Variants in ZNF445 observed in about 807,000 individuals in gnomAD.
The protein encoded by ZNF445 is zinc finger protein 168.
In ZNF445, 19 loss-of-function variants were observed where a neutral mutation model predicts 93.9. The observed-to-expected ratio is 0.20, with a 90% confidence interval of 0.14 to 0.30. The LOEUF is 0.30. Among genes scored for constraint, ZNF445 ranks in the 10% least tolerant of loss-of-function variants. The probability of loss-of-function intolerance (pLI) is 1.00; values close to 1 mark genes in which losing one functional copy is unlikely to be tolerated. For missense variants in ZNF445, 1,058 were observed against 1,259.4 expected (o/e 0.84, Z 2.42); for synonymous variants, 449 against 446.3 (o/e 1.01, Z -0.08).
At position 44,452,537 on chromosome 3, in the gene ZNF445, C is replaced by G. The variant is rs375448987; in HGVS notation, c.430-1055G>C. 6.6e-5 allele frequency among the ~76,000 whole-genome samples: 10 copies of G among 152,310 alleles called. No individual in the cohort carries two copies. The East Asian group carries it at 1.9e-3, about 29-fold the overall frequency. On this transcript the variant is annotated intron_variant, in intron 3 of 7. Transcript: ENST00000396077. ...TTTGAGGGGCTTCTCCCAGCCCCCA[C>G]TGTCTTTTAAGTAGCTTTCAACCAG...
Position 44,450,929 on chromosome 3 carries a change from G to T in ZNF445, c.632C>A (p.Pro211Gln). Residue 211 changes from proline to glutamine, a missense_variant, in exon 5 of 8, where the codon CCG (proline) becomes CAG (glutamine). By Grantham distance (76) the Pro-to-Gln change is moderately conservative. This residue lies in a region of ZNF445 where 657 missense variants were observed against 746.4 expected (regional missense o/e 0.88). Coordinates refer to ENST00000396077, the MANE Select transcript of ZNF445 (RefSeq NM_181489.6). ...CTGGTCTCCCGGGCACCCCTCTCTC[G>T]GGAAAAGGGCAGGCATCTGGGCAGC... is the stretch of plus-strand genomic sequence containing the variant. ...TPAAQMPALF[P>Q]REGCPGDQVT... The T allele has an allele frequency of 1.2e-6, 2 of 1,600,216 alleles. No homozygotes were observed. The highest frequency in any genetic ancestry group is 8.5e-7 in the Non-Finnish European group (1 of 1,173,760).
intron 3 of ZNF445, among the ~76,000 whole-genome samples, chr3:44,453,785 A>G (rs1372546436): frequency 6.6e-6 from 1 of 152,236 alleles, no homozygotes; most frequent in African/African-American, 2.4e-5. Flanking sequence ...GGCCAGGCAC[A>G]TGATAAGCAC....
Position 44,447,101 on chromosome 3 carries a change from T to C in ZNF445, c.2570A>G (p.Asp857Gly). The change falls in exon 8 of 8, where the codon GAT becomes GGT. Residue 857 changes from aspartate to glycine, a missense_variant. Asp to Gly is a moderately conservative substitution (Grantham distance 94). Coordinates refer to ENST00000396077, the MANE Select transcript of ZNF445 (RefSeq NM_181489.6). The surrounding 1 kb of genome is among the most constrained non-coding windows in gnomAD (Gnocchi z 4.7). ...KTFTRKRTLL[D>G]HKGIHSGEKR... is the part of the protein sequence containing the mutation. ...CTCTCCACTGTGTATTCCCTTATGA[T>C]CTAAAAGGGTTCTTTTACGTGTAAA... 1 of 1,614,180 alleles carries C rather than the reference T, an allele frequency of 6.2e-7. No homozygotes were observed. The highest frequency in any genetic ancestry group is 8.5e-7 in the Non-Finnish European group (1 of 1,180,020).
chr3:44,475,719 G>T (rs1698339286), intron 1 of ZNF445, among the ~76,000 whole-genome samples: 1 of 152,050 alleles, frequency 6.6e-6, no homozygotes, highest in Admixed American at 6.5e-5. Context: ...AAAACAAGAG[G>T]CGGGCACGGT....
chr3:44,436,596 G>A lies in ZNF445; in HGVS notation c.*9979C>T, dbSNP rs904485085. The A allele has an allele frequency of 2.0e-5, 3 of 152,032 alleles. No homozygotes were observed. In the East Asian group the frequency reaches 5.8e-4, roughly 29 times the overall value. 9.4% of individuals were successfully genotyped at this position (152,032 alleles called of 1,614,324 possible). ...ATATCTTCCTCTACAGTATACCAAC[G>A]AAGTTCTCGCATTTCAACTCATTCA... On this transcript the variant is annotated 3_prime_UTR_variant, in exon 8 of 8. Transcript: ENST00000396077.
chr3:44,442,129 G>C lies in ZNF445; in HGVS notation c.*4446C>G, dbSNP rs1029967151. The C allele has an allele frequency of 6.6e-6, 1 of 152,144 alleles. No individual in the cohort carries two copies. Among genetic ancestry groups the C allele is most frequent in the African/African-American group, 2.4e-5 (1 of 41,414 alleles). The allele number at this position is 152,144 out of a possible 1,614,324, so 9.4% of individuals were successfully genotyped here. On this transcript the variant is annotated 3_prime_UTR_variant, in exon 8 of 8. Coordinates refer to ENST00000396077, the MANE Select transcript of ZNF445 (RefSeq NM_181489.6). ...CTTAACTTTACACTAAGGGTACCTT[G>C]TATGTAGCTTCACCAACTTTCTCAG...
At chr3:44,477,276 C>G (rs1332565333) in intron 1 of ZNF445, among the ~76,000 whole-genome samples, 1 of 152,240 alleles carries the variant, frequency 6.6e-6, no homozygotes, top group African/African-American at 2.4e-5. Flanking sequence ...GCTACTTTTA[C>G]TTTTCTTCTA....
At chr3:44,450,799 G>A (rs1697945919) in intron 5 of ZNF445, 69 bp downstream of exon 5, 2 of 1,376,886 alleles carry the variant, frequency 1.5e-6, no homozygotes, top group Non-Finnish European at 1.9e-6. Flanking sequence ...CCCAGGATGG[G>A]GAAGCTGCAC....
In ZNF445 at chr3:44,445,493, CT is replaced by C. The variant is rs1208440900; in HGVS notation, c.*1081del. On this transcript the variant is annotated 3_prime_UTR_variant, in exon 8 of 8. Coordinates refer to ENST00000396077, the MANE Select transcript of ZNF445 (RefSeq NM_181489.6). ...TCATATGGCCGGGCCTGTGGCCTCC[CT>C]GGCCCCTCTCCTTCCCTTCCAGCTG... 6.6e-6 allele frequency: 1 copy of C among 152,604 alleles called. No individual in the cohort carries two copies. The highest frequency in any genetic ancestry group is 2.4e-5 in the African/African-American group (1 of 41,434). The allele number at this position is 152,604 out of a possible 1,614,324, so 9.5% of individuals were successfully genotyped here.
rs1240561191 is a variant in ZNF445 at position 44,435,586 on chromosome 3, G to A, written c.*10989C>T. 6.6e-6 allele frequency: 1 copy of A among 152,200 alleles called. No individual in the cohort carries two copies. Among genetic ancestry groups the A allele is most frequent in the Admixed American group, 6.5e-5 (1 of 15,278 alleles). 9.4% of individuals were successfully genotyped at this position (152,200 alleles called of 1,614,324 possible). ...GGCACTAATCTCAACAATCTCTCCA[G>A]GAATGTGGTATTAGTTTGCTTTAAT... On this transcript the variant is annotated 3_prime_UTR_variant, in exon 8 of 8. Coordinates refer to ENST00000396077, the MANE Select transcript of ZNF445 (RefSeq NM_181489.6).
chr3:44,450,524 C>G lies in ZNF445; in HGVS notation c.743G>C (p.Trp248Ser). 1 of 1,614,170 alleles carries G rather than the reference C, an allele frequency of 6.2e-7. No individual in the cohort carries two copies. Among genetic ancestry groups the G allele is most frequent in the Non-Finnish European group, 8.5e-7 (1 of 1,180,034 alleles). Reference protein sequence around the residue: ...DVEVTFSQDEWGWLDSAQRNL... With the variant: ...DVEVTFSQDESGWLDSAQRNL... ...CCTCTGAGCAGAGTCCAGCCACCCCCACTCGTCCTGGGAGAAGGTCACCTC... is the reference window on the plus strand; with the variant it reads ...CCTCTGAGCAGAGTCCAGCCACCCCGACTCGTCCTGGGAGAAGGTCACCTC... Residue 248 changes from tryptophan to serine, a missense_variant, in exon 6 of 8, where the codon TGG becomes TCG. Coordinates refer to ENST00000396077, the MANE Select transcript of ZNF445 (RefSeq NM_181489.6).
chr3:44,474,569 A>G (rs1383563886), intron 1 of ZNF445, among the ~76,000 whole-genome samples: 1 of 152,176 alleles, frequency 6.6e-6, no homozygotes, highest in Non-Finnish European at 1.5e-5. Flanking sequence ...CTTCTTCAGA[A>G]GTGTTTTGAA....
chr3:44,457,853 T>C (rs1199550411), intron 2 of ZNF445, among the ~76,000 whole-genome samples: 3 of 150,468 alleles, frequency 2.0e-5, no homozygotes, highest in African/African-American at 4.9e-5. Flanking sequence ...ATACAAAAAA[T>C]ACAAAAAAAA....
intron 3 of ZNF445, 137 bp from the exon 4 acceptor site, chr3:44,451,619 G>C: frequency 2.1e-6 from 2 of 963,966 alleles, no homozygotes; most frequent in Non-Finnish European, 3.0e-6. Context: ...TTCCAGGCAG[G>C]AGGAAAGGGC....
Position 44,448,044 on chromosome 3 carries a change from A to G in ZNF445, c.1627T>C (p.Cys543Arg). 1.2e-6 allele frequency: 2 copies of G among 1,611,852 alleles called. No homozygotes were observed. Among genetic ancestry groups the G allele is most frequent in the South Asian group, 1.1e-5 (1 of 91,060 alleles). ...KIHTGVKPYK[C>R]DLCEKAFRRL... Reference sequence around the variant, plus strand: ...CGGAAAGCTTTCTCACATAAATCGCATTTATAAGGCTTCACTCCAGTGTGA... The same window carrying G: ...CGGAAAGCTTTCTCACATAAATCGCGTTTATAAGGCTTCACTCCAGTGTGA... Residue 543 changes from cysteine (C) to arginine (R), a missense_variant, in exon 8 of 8, where the codon TGC (cysteine) becomes CGC (arginine). By Grantham distance (180) the Cys-to-Arg change is radical. Transcript: ENST00000396077.
Position 44,446,438 on chromosome 3 carries a change from T to A in ZNF445, c.*137A>T. The stretch of plus-strand genomic sequence containing the variant: ...GCTGGGGACTCCCCGAGCTTTCAAA[T>A]CCTTGGGATTCTGTCACTAGCTTCC... On this transcript the variant is annotated 3_prime_UTR_variant, in exon 8 of 8. Coordinates refer to ENST00000396077, the MANE Select transcript of ZNF445 (RefSeq NM_181489.6). The surrounding 1 kb of genome is among the most constrained non-coding windows in gnomAD (Gnocchi z 4.2). The A allele has an allele frequency of 7.5e-7, 1 of 1,339,558 alleles. No homozygotes were observed. The highest frequency in any genetic ancestry group is 1.0e-6 in the Non-Finnish European group (1 of 985,032). The allele number at this position is 1,339,558 out of a possible 1,614,324, so 83.0% of individuals were successfully genotyped here. A position where few individuals can be genotyped will look rare whatever the true frequency, so the allele number is the denominator to read the frequency against.
At chr3:44,463,011 TTGTGTGTG>T (rs61329186) in intron 1 of ZNF445, among the ~76,000 whole-genome samples, 22,349 of 144,366 alleles carry the variant, frequency 0.15, 1,782 homozygotes, top group Admixed American at 0.19. Flanking sequence ...ATTTTTTTCT[TTGTGTGTG>T]TGTGTGTGTG....
intron 1 of ZNF445, among the ~76,000 whole-genome samples, chr3:44,468,874 G>C (rs1032488754): frequency 3.9e-5 from 6 of 152,042 alleles, no homozygotes; most frequent in African/African-American, 1.5e-4. Context: ...AGCCGGCTCT[G>C]CGTGAATTAC....
chr3:44,475,669 C>T (rs1235755369), intron 1 of ZNF445, among the ~76,000 whole-genome samples: 2 of 152,150 alleles, frequency 1.3e-5, no homozygotes, highest in Non-Finnish European at 2.9e-5. Flanking sequence ...GAGACAGATT[C>T]GTGGTATGCT....
Sources: allele counts gnomAD v4.1 joint callset (sites outside exome capture counted in the v4.1 genomes callset), GRCh38; gene constraint gnomAD v4.1.1; regional missense constraint gnomAD v4.1.1; non-coding constraint Gnocchi (gnomAD v3.1); transcripts MANE v1.5; gene names NCBI Gene and HGNC (gene_info 2026-07-23, HGNC 2026-07-21).